The following HERC3 variants were observed in gnomAD, a reference collection of about 807,000 sequenced individuals.
HERC3 encodes probable E3 ubiquitin-protein ligase HERC3.
In HERC3, 58 loss-of-function variants were observed where a neutral mutation model predicts 129.9. The ratio of observed to expected loss-of-function variants is 0.45; its 90% CI spans 0.36 to 0.56. HERC3 has a LOEUF of 0.56. HERC3 is among the 20% of genes least tolerant of loss of function. HERC3 has a pLI of 0.00. For synonymous variants in HERC3, 430 were observed against 451.0 expected, an observed-to-expected ratio of 0.95 and a Z score of 0.59; for missense variants, 835 against 1,244.2, an observed-to-expected ratio of 0.67 and a Z score of 4.95.
chr4:88,697,511 G>A, intron 23 of HERC3: 4 of 1,614,126 alleles, frequency 2.5e-6, no homozygotes, highest in Non-Finnish European at 3.4e-6. Flanking sequence ...TTGAGGGCCA[G>A]GACTCGGCAT....
chr4:88,700,943 C>A (rs1297444706), intron 23 of HERC3, among the ~76,000 whole-genome samples: 1 of 152,158 alleles, frequency 6.6e-6, no homozygotes, highest in Non-Finnish European at 1.5e-5. Flanking sequence ...GGAGGGTAAC[C>A]TGCTTTACTC....
At chr4:88,551,470 A>G in the HERC3 span, among the ~76,000 whole-genome samples, 3 of 149,660 alleles carry the variant, frequency 2.0e-5, no homozygotes, top group Non-Finnish European at 3.0e-5. Flanking sequence ...AAAAGTGGGC[A>G]AAGGATATGA....
intron 23 of HERC3, among the ~76,000 whole-genome samples, chr4:88,689,596 G>A (rs78492232): frequency 1.5e-5 from 2 of 129,206 alleles, no homozygotes; most frequent in East Asian, 2.2e-4. Flanking sequence ...TTTTTTTTTC[G>A]AGACAGAGTC....
At chr4:88,632,246 C>G (rs558617947) in intron 3 of HERC3, among the ~76,000 whole-genome samples, 21 of 152,284 alleles carry the variant, frequency 1.4e-4, no homozygotes, top group South Asian at 6.2e-4. Flanking sequence ...AATAGATAAC[C>G]ACTCAGACTG....
chr4:88,596,291 C>T (rs1165328824), intron 2 of HERC3, among the ~76,000 whole-genome samples: 1 of 152,200 alleles, frequency 6.6e-6, no homozygotes, highest in African/African-American at 2.4e-5. Context: ...GATAATATAA[C>T]TCTGTCCCCT....
At chr4:88,652,340 T>TA (rs1265812310) in intron 5 of HERC3, among the ~76,000 whole-genome samples, 1 of 152,190 alleles carries the variant, frequency 6.6e-6, no homozygotes, top group African/African-American at 2.4e-5. Context: ...GGCAGGACCA[T>TA]ACCTAGGTGT....
chr4:88,589,677 G>A (rs920134993), upstream of HERC3, among the ~76,000 whole-genome samples: 7 of 152,178 alleles, frequency 4.6e-5, no homozygotes, highest in African/African-American at 2.4e-5. Flanking sequence ...AACAGTTTAC[G>A]TATCTGCTGT....
At chr4:88,579,180 G>A in the HERC3 span, among the ~76,000 whole-genome samples, 2 of 150,516 alleles carry the variant, frequency 1.3e-5, no homozygotes, top group African/African-American at 4.9e-5. Context: ...TCAGGAGTTC[G>A]AGACCAGCTT....
intron 16 of HERC3, among the ~76,000 whole-genome samples, chr4:88,671,375 G>A (rs1260310442): frequency 1.3e-5 from 2 of 152,076 alleles, no homozygotes; most frequent in African/African-American, 2.4e-5. Flanking sequence ...ATTTAAATAG[G>A]CTGATCTAAC....
intron 3 of HERC3, among the ~76,000 whole-genome samples, chr4:88,634,508 G>T (rs532371343): frequency 1.3e-5 from 2 of 152,150 alleles, no homozygotes; most frequent in Admixed American, 1.3e-4. Flanking sequence ...GAACCCCTAG[G>T]GGGAGGGATG....
At chr4:88,665,292 G>A (rs1346672214) in intron 12 of HERC3, among the ~76,000 whole-genome samples, 5 of 152,176 alleles carry the variant, frequency 3.3e-5, no homozygotes, top group South Asian at 4.1e-4. Flanking sequence ...TCATAGCTTA[G>A]TATAAGTCCA....
intron 3 of HERC3, among the ~76,000 whole-genome samples, chr4:88,641,369 CAAT>C (rs376257289): frequency 4.5e-4 from 68 of 152,064 alleles, no homozygotes; most frequent in African/African-American, 1.6e-3. Context: ...AGTATTCAAT[CAAT>C]AATTTAAGCC....
chr4:88,649,325 GAGAT>G (rs1729022041), intron 3 of HERC3, among the ~76,000 whole-genome samples: 1 of 152,136 alleles, frequency 6.6e-6, no homozygotes. Flanking sequence ...TTCCCAGAGA[GAGAT>G]CCTTCTGTTT....
rs1028900594 is a variant in HERC3 at position 88,678,011 on chromosome 4, C to G, written c.2073C>G (p.Thr691=). The G allele has an allele frequency of 4.6e-5, 74 of 1,613,694 alleles. 1 individual carries two copies. The East Asian group carries it at 1.6e-3, about 36-fold the overall frequency. ...TGCAGAATGTCTTCATGCTTCTCAC[C>G]CTGGAGCCTCTGCTGGCCAGAAGCC... ...ANLQNVFMLL[T]LEPLLARSPF... The change falls in exon 19 of 26, where the codon ACC becomes ACG. Residue 691 remains threonine (T), a synonymous_variant. Coordinates refer to ENST00000402738, the MANE Select transcript of HERC3 (RefSeq NM_014606.3).
the HERC3 span, chr4:88,528,289 T>A: frequency 6.5e-6 from 1 of 152,914 alleles, no homozygotes; most frequent in African/African-American, 2.4e-5. Flanking sequence ...AACCCTTTGC[T>A]TTTTGGGTCG....
At chr4:88,655,762 AG>A (rs1426612323) in intron 8 of HERC3, 112 bp from the exon 9 acceptor site, 8 of 997,066 alleles carry the variant, frequency 8.0e-6, no homozygotes, top group Non-Finnish European at 1.0e-5. Context: ...AACATGGGAA[AG>A]GCTCTATAGG....
At chr4:88,555,317 T>A in the HERC3 span, among the ~76,000 whole-genome samples, 1 of 151,564 alleles carries the variant, frequency 6.6e-6, no homozygotes, top group African/African-American at 2.4e-5. Flanking sequence ...AGAAATTATA[T>A]GGAATTATAT....
At chr4:88,697,612 G>A (rs751453283) in intron 23 of HERC3, 17 of 1,609,114 alleles carry the variant, frequency 1.1e-5, no homozygotes, top group Non-Finnish European at 1.4e-5. Flanking sequence ...CATCTGACCA[G>A]CCGCGCTGTC....
intron 23 of HERC3, chr4:88,697,251 T>C: frequency 6.4e-7 from 1 of 1,557,160 alleles, no homozygotes; most frequent in Non-Finnish European, 8.7e-7. Flanking sequence ...CATCGTCATG[T>C]TTGGCCCCCG....
Sources: allele counts gnomAD v4.1 joint callset (sites outside exome capture counted in the v4.1 genomes callset), GRCh38; gene constraint gnomAD v4.1.1; transcripts MANE v1.5; gene names NCBI Gene and HGNC (gene_info 2026-07-23, HGNC 2026-07-21).